PARP8: variants seen among roughly 807,000 people sequenced by gnomAD.
The protein encoded by PARP8 is protein mono-ADP-ribosyltransferase PARP8.
Under a neutral mutation model 124.1 loss-of-function variants are expected in PARP8, and 51 were observed. The ratio of observed to expected loss-of-function variants is 0.41; its 90% CI spans 0.33 to 0.52. PARP8 has a LOEUF of 0.52. Ranked by LOEUF, PARP8 falls within the 20% of genes least tolerant of loss-of-function variation. PARP8 has a pLI of 0.21. For missense variants in PARP8, 860 were observed against 1,018.9 expected (o/e 0.84, Z 2.12); for synonymous variants, 391 against 361.5 (o/e 1.08, Z -0.93).
chr5:50,841,981 A>G lies in PARP8; in HGVS notation c.2478A>G (p.Gln826=), dbSNP rs780325701. 8.3e-5 allele frequency: 132 copies of G among 1,598,276 alleles called. No homozygotes were observed. Among genetic ancestry groups the G allele is most frequent in the Non-Finnish European group, 8.5e-5 (100 of 1,172,204 alleles). ...TRFFFVYEDG[Q]VGDANINTQE... is the part of the protein sequence containing the mutation. ...TGTATTTCAGCTATGAAGACGGCCA[A>G]GTGGGAGATGCAAATATTAATACAC... Residue 826 remains glutamine (Q), a synonymous_variant, in exon 26 of 26, where the codon CAA becomes CAG. Transcript: ENST00000281631.
Position 50,787,196 on chromosome 5 carries a change from C to T in PARP8, c.671-1327C>T, listed in dbSNP as rs539267246. 2.9e-3 allele frequency among the ~76,000 whole-genome samples: 437 copies of T among 152,256 alleles called. 2 individuals carry two copies. The highest frequency in any genetic ancestry group is 9.5e-3 in the African/African-American group (396 of 41,548). On this transcript the variant is annotated intron_variant, in intron 9 of 25. Transcript: ENST00000281631. ...GAATCCAAAATGTTCATCACCTCCA[C>T]GGACGAAGTTCTATATATCTTGCTT...
chr5:50,781,331 T>G (rs1398526427), intron 9 of PARP8, among the ~76,000 whole-genome samples: 1 of 146,244 alleles, frequency 6.8e-6, no homozygotes, highest in African/African-American at 2.5e-5. Flanking sequence ...TGAATATCAA[T>G]CAGTAATTGT....
intron 2 of PARP8, among the ~76,000 whole-genome samples, chr5:50,727,709 T>C (rs1326005804): frequency 3.3e-5 from 5 of 152,192 alleles, no homozygotes; most frequent in Non-Finnish European, 7.3e-5. Flanking sequence ...TTTTGAAGAA[T>C]GAGGATGGTA....
At chr5:50,800,781 G>A (rs1244060461) in intron 14 of PARP8, among the ~76,000 whole-genome samples, 2 of 149,790 alleles carry the variant, frequency 1.3e-5, no homozygotes, top group Non-Finnish European at 3.0e-5. Flanking sequence ...TTTGAAACAG[G>A]GGTCTTACTC....
At chr5:50,751,225 GT>G (rs1193618250) in intron 3 of PARP8, among the ~76,000 whole-genome samples, 3 of 152,072 alleles carry the variant, frequency 2.0e-5, no homozygotes. Context: ...TGGGCCAAGT[GT>G]TTAGCTCCCT....
At chr5:50,799,021 T>C (rs1001376127) in intron 14 of PARP8, among the ~76,000 whole-genome samples, 25 of 152,208 alleles carry the variant, frequency 1.6e-4, no homozygotes, top group Admixed American at 3.9e-4. Flanking sequence ...TTTTGTAGTT[T>C]GTCATTTCAT....
At chr5:50,760,504 T>C in intron 5 of PARP8, 142 bp downstream of exon 5, 1 of 640,262 alleles carries the variant, frequency 1.6e-6, no homozygotes, top group Non-Finnish European at 2.2e-6. Context: ...CAGGGGTGTT[T>C]GGTATGGTAG....
chr5:50,766,182 A>G (rs1300122945), intron 7 of PARP8, among the ~76,000 whole-genome samples: 19 of 152,300 alleles, frequency 1.2e-4, no homozygotes, highest in African/African-American at 4.6e-4. Flanking sequence ...TGACAATTCT[A>G]CCTCACCATT....
At chr5:50,775,395 A>G (rs113261538) in intron 7 of PARP8, among the ~76,000 whole-genome samples, 6 of 152,286 alleles carry the variant, frequency 3.9e-5, no homozygotes, top group African/African-American at 1.4e-4. Flanking sequence ...TCTCCACCAA[A>G]AATACAAAAA....
intron 2 of PARP8, chr5:50,741,684 A>G (rs966182411): frequency 7.9e-6 from 2 of 253,890 alleles, no homozygotes; most frequent in Non-Finnish European, 1.6e-5. Flanking sequence ...AGTTTTGAAA[A>G]TAGGAAAATA....
At chr5:50,722,808 G>A (rs1211113979) in intron 2 of PARP8, among the ~76,000 whole-genome samples, 1 of 152,052 alleles carries the variant, frequency 6.6e-6, no homozygotes, top group African/African-American at 2.4e-5. Flanking sequence ...CTGTAATGTG[G>A]TGCGAGTTGT....
intron 2 of PARP8, among the ~76,000 whole-genome samples, chr5:50,679,836 T>C (rs1751074898): frequency 6.6e-6 from 1 of 152,196 alleles, no homozygotes; most frequent in Non-Finnish European, 1.5e-5. Flanking sequence ...ATAAAACTTG[T>C]AATCAAGAAA....
At chr5:50,691,839 T>TA (rs1752525189) in intron 2 of PARP8, among the ~76,000 whole-genome samples, 1 of 152,148 alleles carries the variant, frequency 6.6e-6, no homozygotes, top group African/African-American at 2.4e-5. Context: ...TTACCCATAT[T>TA]ACGCATGTGA....
In PARP8 at chr5:50,759,744, A is replaced by G. The variant is rs1278822708; in HGVS notation, c.274+12A>G. 18 of 1,545,526 alleles carry G rather than the reference A, an allele frequency of 1.2e-5. 1 individual carries two copies. The highest frequency in any genetic ancestry group is 1.7e-4 in the Middle Eastern group (1 of 5,778). On this transcript the variant is annotated intron_variant, in intron 4 of 25. Transcript: ENST00000281631. ...TAGAATAGCAACAGGTAATAGTAGT[A>G]TTATTTTTTATACTAGGTTAATTTT...
At chr5:50,775,910 G>C (rs572447902) in intron 7 of PARP8, among the ~76,000 whole-genome samples, 48 of 152,130 alleles carry the variant, frequency 3.2e-4, no homozygotes, top group African/African-American at 1.2e-3. Flanking sequence ...TGATTGCTCT[G>C]GCTAGGACAT....
At chr5:50,728,332 C>CTG (rs1222249790) in intron 2 of PARP8, among the ~76,000 whole-genome samples, 4 of 152,108 alleles carry the variant, frequency 2.6e-5, no homozygotes, top group Non-Finnish European at 1.5e-5. Flanking sequence ...TTGAATTTAT[C>CTG]TGTGAATTAG....
chr5:50,841,080 A>G (rs958598446), intron 25 of PARP8, among the ~76,000 whole-genome samples: 2 of 151,846 alleles, frequency 1.3e-5, no homozygotes, highest in Admixed American at 1.3e-4. Context: ...TTTCAGGAAA[A>G]GATAGTGGCT....
chr5:50,754,163 A>ACACG (rs1488476757), intron 3 of PARP8, among the ~76,000 whole-genome samples: 1 of 31,190 alleles, frequency 3.2e-5, no homozygotes, highest in African/African-American at 8.2e-5. Flanking sequence ...ACACACACAC[A>ACACG]CACACACACA....
intron 2 of PARP8, among the ~76,000 whole-genome samples, chr5:50,723,350 T>C (rs1236304695): frequency 2.6e-5 from 4 of 152,092 alleles, no homozygotes; most frequent in Non-Finnish European, 5.9e-5. Flanking sequence ...TAGGTATAGA[T>C]TGTTGTCTCT....
Sources: gnomAD v4.1 joint callset for allele counts (sites outside exome capture counted in the v4.1 genomes callset) on GRCh38, gnomAD v4.1.1 for gene constraint, MANE v1.5 for transcripts, NCBI Gene and HGNC (gene_info 2026-07-23, HGNC 2026-07-21) for gene names.